USP53: variants seen among roughly 807,000 people sequenced by gnomAD.
USP53 encodes ubiquitin carboxyl-terminal hydrolase 53.
Under a neutral mutation model 94.9 loss-of-function variants are expected in USP53, and 71 were observed. The observed-to-expected ratio is 0.75, with a 90% CI of 0.62 to 0.91. The LOEUF (loss-of-function observed/expected upper bound fraction) is 0.91, where lower values mean the gene tolerates loss of function less well. Among genes scored for constraint, USP53 ranks in the 40% least tolerant of loss-of-function variants. The pLI is 0.00. For synonymous variants in USP53, 375 were observed against 422.7 expected, an observed-to-expected ratio of 0.89 and a Z score of 1.39; for missense variants, 1,173 against 1,281.0, an observed-to-expected ratio of 0.92 and a Z score of 1.29.
intron 3 of USP53, chr4:119,217,971 A>G (rs1744027034): frequency 6.6e-6 from 1 of 152,174 alleles, no homozygotes; most frequent in Non-Finnish European, 1.5e-5. Context: ...TTATGATTTA[A>G]TTTTAGAAAG....
In USP53 at chr4:119,293,894, T is replaced by C. The variant is rs1424735045; in HGVS notation, c.*683T>C. Reference sequence around the variant, plus strand: ...AAAGCCTTATATGATTAACAATTTGTAAGTTTTCAAGATCGGATGGAATTT... The same window carrying C: ...AAAGCCTTATATGATTAACAATTTGCAAGTTTTCAAGATCGGATGGAATTT... On this transcript the variant is annotated 3_prime_UTR_variant, in exon 19 of 19. Transcript: ENST00000692078. 1 of 152,144 alleles carries C rather than the reference T, an allele frequency of 6.6e-6. No individual in the cohort carries two copies. The highest frequency in any genetic ancestry group is 1.9e-4 in the East Asian group (1 of 5,204). 9.4% of individuals were successfully genotyped at this position (152,144 alleles called of 1,614,324 possible).
intron 3 of USP53, among the ~76,000 whole-genome samples, chr4:119,225,862 A>G (rs2149280321): frequency 6.6e-6 from 1 of 152,358 alleles, no homozygotes; most frequent in East Asian, 1.9e-4. Context: ...TTTAAAATTT[A>G]TTAGCAAATT....
At chr4:119,281,323 G>A (rs1753489653) in intron 17 of USP53, among the ~76,000 whole-genome samples, 1 of 152,030 alleles carries the variant, frequency 6.6e-6, no homozygotes, top group Non-Finnish European at 1.5e-5. Flanking sequence ...GGAGTAGAAG[G>A]GATATAATTT....
chr4:119,212,698 A>G (rs1367823692), upstream of USP53: 4 of 342,012 alleles, frequency 1.2e-5, no homozygotes, highest in Admixed American at 7.6e-5. Flanking sequence ...GGCGGAGACC[A>G]GCCGCCTGTG....
intron 11 of USP53, among the ~76,000 whole-genome samples, chr4:119,261,127 T>C (rs1750471214): frequency 6.6e-6 from 1 of 151,752 alleles, no homozygotes; most frequent in Non-Finnish European, 1.5e-5. Flanking sequence ...ACCCAGCTAA[T>C]TTTTTGTATT....
In USP53 at chr4:119,294,059, A is replaced by G. The variant is rs1159512117; in HGVS notation, c.*848A>G. ...TACTTAAACTTTAGTGTATTTATTT[A>G]TCTCGTTACTTTTTTTCTAATTTTA... is the stretch of plus-strand genomic sequence containing the variant. On this transcript the variant is annotated 3_prime_UTR_variant, in exon 19 of 19. Transcript: ENST00000692078. 6.6e-6 allele frequency: 1 copy of G among 152,076 alleles called. No homozygotes were observed. 9.4% of individuals were successfully genotyped at this position (152,076 alleles called of 1,614,324 possible). A position where few individuals can be genotyped will look rare whatever the true frequency, so the allele number is the denominator to read the frequency against.
At chr4:119,291,487 G>A (rs1481365304) in intron 18 of USP53, among the ~76,000 whole-genome samples, 1 of 152,132 alleles carries the variant, frequency 6.6e-6, no homozygotes, top group African/African-American at 2.4e-5. Context: ...TATGAGGTAG[G>A]TGATATTTTA....
At chr4:119,248,322 T>C (rs12644843) in intron 6 of USP53, among the ~76,000 whole-genome samples, 105,731 of 139,614 alleles carry the variant, frequency 0.76, 39,308 homozygotes, top group Non-Finnish European at 0.79. Flanking sequence ...GGGAACCCTA[T>C]ATGTTTAATT....
intron 6 of USP53, among the ~76,000 whole-genome samples, chr4:119,247,236 C>T (rs1052937181): frequency 2.6e-5 from 4 of 152,114 alleles, no homozygotes; most frequent in Admixed American, 2.6e-4. Context: ...CTGTGCTTGC[C>T]TTCCTCTCCT....
intron 11 of USP53, 124 bp from the exon 12 acceptor site, chr4:119,261,590 AT>A: frequency 1.6e-6 from 1 of 637,128 alleles, no homozygotes; most frequent in Non-Finnish European, 2.4e-6. Flanking sequence ...TAATAATATA[AT>A]ATTAGATTGG....
At chr4:119,263,055 T>A (rs991216249) in intron 12 of USP53, among the ~76,000 whole-genome samples, 4 of 152,206 alleles carry the variant, frequency 2.6e-5, no homozygotes, top group Admixed American at 1.3e-4. Context: ...TGATGTAGAA[T>A]TCTATTTAGT....
chr4:119,261,701 A>T lies in USP53; in HGVS notation c.823-14A>T. The T allele has an allele frequency of 6.4e-7, 1 of 1,559,038 alleles. No individual in the cohort carries two copies. Among genetic ancestry groups the T allele is most frequent in the Non-Finnish European group, 8.8e-7 (1 of 1,142,618 alleles). On this transcript the variant is annotated splice_polypyrimidine_tract_variant and intron_variant, in intron 11 of 18. Coordinates refer to ENST00000692078, the MANE Select transcript of USP53 (RefSeq NM_001371395.1). ...ATGTAGTGTTAAGTGTACATTACCA[A>T]TTTTTTTAAACAGCTTTTTTATAGA...
At chr4:119,272,721 C>T (rs1752028432) in intron 16 of USP53, 1 of 152,150 alleles carries the variant, frequency 6.6e-6, no homozygotes, top group South Asian at 2.1e-4. Flanking sequence ...ATTCTTCAAT[C>T]TATATAATGT....
chr4:119,213,643 T>TATATTAGATATATATAG (rs776668143), intron 1 of USP53, among the ~76,000 whole-genome samples: 20 of 134,278 alleles, frequency 1.5e-4, no homozygotes, highest in African/African-American at 5.7e-4. Context: ...TGGAAATAGA[T>TATATTAGATATATATAG]ATATATATAT....
intron 17 of USP53, 146 bp downstream of exon 17, chr4:119,273,854 T>C: frequency 1.6e-6 from 1 of 626,572 alleles, no homozygotes; most frequent in East Asian, 2.9e-5. Context: ...ACAAGTTTTA[T>C]TAAGTTAATA....
At chr4:119,290,606 C>G (rs553999046) in intron 17 of USP53, among the ~76,000 whole-genome samples, 1 of 152,234 alleles carries the variant, frequency 6.6e-6, no homozygotes, top group African/African-American at 2.4e-5. Context: ...TAAATGGTAG[C>G]TAATTAGTAG....
At chr4:119,287,107 A>G (rs754430917) in intron 17 of USP53, among the ~76,000 whole-genome samples, 23 of 152,044 alleles carry the variant, frequency 1.5e-4, no homozygotes, top group Non-Finnish European at 2.8e-4. Context: ...AGGTGACTTA[A>G]AAGAAGTAAA....
At chr4:119,213,833 G>A (rs996507742) in intron 1 of USP53, among the ~76,000 whole-genome samples, 11 of 151,546 alleles carry the variant, frequency 7.3e-5, no homozygotes, top group African/African-American at 2.7e-4. Flanking sequence ...TCGCGCCACT[G>A]CATTCCAGCA....
At position 119,268,414 on chromosome 4, in the gene USP53, G is replaced by A. The variant is rs771582154; in HGVS notation, c.1282G>A (p.Gly428Arg). 3.7e-6 allele frequency: 6 copies of A among 1,607,596 alleles called. No homozygotes were observed. The highest frequency in any genetic ancestry group is 2.7e-5 in the African/African-American group (2 of 74,514). Reference sequence around the variant, plus strand: ...CCACAGTCACACAGGTGTAGGGAAAGGACCAGGTATGTGTTTAAATTGTCA... The same window carrying A: ...CCACAGTCACACAGGTGTAGGGAAAAGACCAGGTATGTGTTTAAATTGTCA... Reference protein sequence around the residue: ...RSHSHTGVGKGPAKLSHIDQR... With the variant: ...RSHSHTGVGKRPAKLSHIDQR... The change falls in exon 14 of 19, where the codon GGA becomes AGA. Residue 428 changes from glycine to arginine, a missense_variant. By Grantham distance (125) the Gly-to-Arg change is moderately radical. Coordinates refer to ENST00000692078, the MANE Select transcript of USP53 (RefSeq NM_001371395.1).
Sources: allele counts gnomAD v4.1 joint callset (sites outside exome capture counted in the v4.1 genomes callset), GRCh38; gene constraint gnomAD v4.1.1; transcripts MANE v1.5; gene names NCBI Gene and HGNC (gene_info 2026-07-23, HGNC 2026-07-21).